GLCCI1: variants seen among roughly 807,000 people sequenced by gnomAD.
GLCCI1 encodes the protein glucocorticoid induced 1, also known as glucocorticoid-induced transcript 1 protein.
Under a neutral mutation model 52.2 loss-of-function variants are expected in GLCCI1, and 24 were observed. The observed-to-expected ratio is 0.46, with a 90% CI of 0.33 to 0.65. GLCCI1 has a LOEUF of 0.65. GLCCI1 is among the 30% of genes least tolerant of loss of function. The pLI, the probability that GLCCI1 is intolerant of heterozygous loss-of-function variation, is 0.02. For missense variants in GLCCI1, 704 were observed against 701.5 expected (o/e 1.00, Z -0.04); for synonymous variants, 310 against 276.5 (o/e 1.12, Z -1.20).
chr7:8,005,963 C>A (rs148648916), intron 2 of GLCCI1, among the ~76,000 whole-genome samples: 381 of 152,028 alleles, frequency 2.5e-3, no homozygotes, highest in African/African-American at 8.5e-3. Context: ...CATGCCCAGC[C>A]AAGTTTTTGT....
intron 6 of GLCCI1, among the ~76,000 whole-genome samples, chr7:8,081,540 G>A (rs543270949): frequency 6.6e-6 from 1 of 152,088 alleles, no homozygotes; most frequent in Non-Finnish European, 1.5e-5. Context: ...AAGTTCAATG[G>A]TATGCTCAAA....
chr7:7,981,026 TAAAG>T, intron 1 of GLCCI1: 1 of 503,052 alleles, frequency 2.0e-6, no homozygotes, highest in Non-Finnish European at 3.8e-6. Context: ...GTAGAAGAAA[TAAAG>T]GCAGAAAAAG....
intron 6 of GLCCI1, 51 bp downstream of exon 6, chr7:8,071,182 A>T: frequency 7.1e-7 from 1 of 1,400,592 alleles, no homozygotes; most frequent in Non-Finnish European, 1.0e-6. Context: ...CTTGCTCATT[A>T]TACCTTGTCT....
intron 5 of GLCCI1, among the ~76,000 whole-genome samples, chr7:8,062,398 T>G (rs1782538580): frequency 6.6e-6 from 1 of 152,218 alleles, no homozygotes; most frequent in Non-Finnish European, 1.5e-5. Flanking sequence ...AAAATTATCT[T>G]TAGAGTAGAA....
intron 6 of GLCCI1, among the ~76,000 whole-genome samples, chr7:8,080,619 CTGTA>C (rs1782974954): frequency 6.6e-6 from 1 of 151,340 alleles, no homozygotes; most frequent in South Asian, 2.1e-4. Flanking sequence ...AAAATTGTAT[CTGTA>C]TGTACCGGAG....
At chr7:8,075,508 A>G (rs1348675576) in intron 6 of GLCCI1, among the ~76,000 whole-genome samples, 2 of 152,218 alleles carry the variant, frequency 1.3e-5, no homozygotes, top group African/African-American at 2.4e-5. Context: ...AGTTCAAGGA[A>G]CAAAAATAGC....
intron 1 of GLCCI1, among the ~76,000 whole-genome samples, chr7:7,988,947 A>G (rs1019392881): frequency 3.9e-5 from 6 of 152,124 alleles, no homozygotes; most frequent in African/African-American, 1.4e-4. Context: ...GTTCAACTTA[A>G]AAATTCTTAT....
At chr7:8,068,329 A>G (rs1167626028) in intron 5 of GLCCI1, among the ~76,000 whole-genome samples, 1 of 152,234 alleles carries the variant, frequency 6.6e-6, no homozygotes, top group African/African-American at 2.4e-5. Flanking sequence ...CATCCTGGCA[A>G]CAAGAGCAAA....
intron 6 of GLCCI1, among the ~76,000 whole-genome samples, chr7:8,080,841 GTTT>G (rs199681673): frequency 9.4e-5 from 12 of 128,252 alleles, no homozygotes; most frequent in Admixed American, 6.2e-4. Flanking sequence ...TGGTTTTGGG[GTTT>G]TTTTTTTTTT....
intron 3 of GLCCI1, among the ~76,000 whole-genome samples, chr7:8,044,985 A>G (rs184494741): frequency 6.6e-6 from 1 of 152,194 alleles, no homozygotes; most frequent in Non-Finnish European, 1.5e-5. Context: ...GAAATGATGT[A>G]TAATGAAACC....
chr7:8,072,793 G>C (rs1472284944), intron 6 of GLCCI1, among the ~76,000 whole-genome samples: 1 of 152,164 alleles, frequency 6.6e-6, no homozygotes, highest in Non-Finnish European at 1.5e-5. Flanking sequence ...AATAATGGTG[G>C]CAGTACAGCT....
intron 3 of GLCCI1, among the ~76,000 whole-genome samples, chr7:8,031,693 A>C (rs943422959): frequency 2.0e-5 from 3 of 151,952 alleles, no homozygotes; most frequent in Non-Finnish European, 4.4e-5. Flanking sequence ...ACCCACAATA[A>C]TTAAAAAATT....
At chr7:8,068,647 C>T (rs1782686195) in intron 5 of GLCCI1, among the ~76,000 whole-genome samples, 1 of 151,942 alleles carries the variant, frequency 6.6e-6, no homozygotes, top group Non-Finnish European at 1.5e-5. Flanking sequence ...TTCAGCCATT[C>T]CAACCTGTTT....
chr7:8,068,362 A>C (rs1226507400), intron 5 of GLCCI1, among the ~76,000 whole-genome samples: 2 of 152,250 alleles, frequency 1.3e-5, no homozygotes, highest in African/African-American at 4.8e-5. Context: ...AAAAGAAAAA[A>C]AAAATTTCGT....
Position 8,003,968 on chromosome 7 carries a change from T to C in GLCCI1, c.518T>C (p.Leu173Ser), listed in dbSNP as rs1248369661. The change falls in exon 2 of 8, where the codon TTG becomes TCG. Residue 173 changes from leucine to serine, a missense_variant. By Grantham distance (145) the Leu-to-Ser change is moderately radical (BLOSUM62 -2). Coordinates refer to ENST00000223145, the MANE Select transcript of GLCCI1 (RefSeq NM_138426.4). ...TSSTIRRTSSLDTITGPYLTG... is the reference protein window; with the variant it reads ...TSSTIRRTSSSDTITGPYLTG... ...AGTACAATAAGGCGAACCTCCTCTT[T>C]GGATACAATAACAGGACCTTACCTC... 8.7e-6 allele frequency: 14 copies of C among 1,613,750 alleles called. No homozygotes were observed. The highest frequency in any genetic ancestry group is 1.1e-5 in the Non-Finnish European group (13 of 1,179,808).
In GLCCI1 at chr7:7,969,409, C is replaced by T. The variant is rs1419250690; in HGVS notation, c.59C>T (p.Ser20Leu). Residue 20 changes from serine (S) to leucine (L), a missense_variant, in exon 1 of 8, where the codon TCG (serine) becomes TTG (leucine). Transcript: ENST00000223145. The surrounding 1 kb of genome is among the most constrained non-coding windows in gnomAD (Gnocchi z 4.9). ...SSSSQTPHPP[S>L]QRMRRSAAGS... ...TCCTCTCAGACCCCTCATCCCCCGT[C>T]GCAGAGGATGAGGCGCAGCGCCGCG... The T allele has an allele frequency of 1.4e-6, 2 of 1,404,308 alleles. No individual in the cohort carries two copies. The highest frequency in any genetic ancestry group is 1.5e-5 in the African/African-American group (1 of 67,154). The allele number at this position is 1,404,308 out of a possible 1,614,324, so 87.0% of individuals were successfully genotyped here.
intron 1 of GLCCI1, among the ~76,000 whole-genome samples, chr7:7,983,115 G>A (rs1036822990): frequency 1.8e-4 from 28 of 152,140 alleles, no homozygotes; most frequent in Non-Finnish European, 3.2e-4. Flanking sequence ...TAACTTCTTG[G>A]TAAAGCAAAC....
chr7:8,035,250 TGA>T (rs1781840085), intron 3 of GLCCI1, among the ~76,000 whole-genome samples: 1 of 152,164 alleles, frequency 6.6e-6, no homozygotes, highest in Non-Finnish European at 1.5e-5. Flanking sequence ...CCCACTTGGC[TGA>T]GAGTGACTGC....
chr7:8,019,775 A>T (rs1421775797), intron 2 of GLCCI1, among the ~76,000 whole-genome samples: 1 of 152,210 alleles, frequency 6.6e-6, no homozygotes. Flanking sequence ...TTGTATATAT[A>T]AACATAGAAA....
Sources: gnomAD v4.1 joint callset for allele counts (sites outside exome capture counted in the v4.1 genomes callset) on GRCh38, gnomAD v4.1.1 for gene constraint, Gnocchi (gnomAD v3.1) non-coding constraint, MANE v1.5 for transcripts, NCBI Gene and HGNC (gene_info 2026-07-23, HGNC 2026-07-21) for gene names.